The following CDH13 variants were observed in gnomAD, a reference collection of about 807,000 sequenced individuals.
CDH13 encodes the protein cadherin 13, also known as cadherin-13.
A neutral mutation model predicts 63.8 loss-of-function variants in CDH13; 24 were observed. The ratio of observed to expected loss-of-function variants is 0.38; its 90% CI spans 0.27 to 0.53. CDH13 has a LOEUF of 0.53. CDH13 is among the 20% of genes least tolerant of loss of function. CDH13 has a pLI of 0.85. For synonymous variants in CDH13, 503 were observed against 355.3 expected, an observed-to-expected ratio of 1.42 and a Z score of -4.67; for missense variants, 1,049 against 903.1, an observed-to-expected ratio of 1.16 and a Z score of -2.07.
At chr16:83,273,007 C>CTG (rs148443340) in intron 5 of CDH13, among the ~76,000 whole-genome samples, 12,515 of 152,150 alleles carry the variant, frequency 0.082, 586 homozygotes, top group East Asian at 0.16. Context: ...TGCAGTGTGA[C>CTG]TGGTGCCTGT....
At position 83,308,518 on chromosome 16, in the gene CDH13, A is replaced by G. The variant is rs150989575; in HGVS notation, c.637-36344A>G. On this transcript the variant is annotated intron_variant, in intron 5 of 13. Transcript: ENST00000567109. Reference sequence around the variant, plus strand: ...ACAAAGGGAGTAGGAATTTTTCAGTATAAGGCAAATGGCAACAAAAACACA... The same window carrying G: ...ACAAAGGGAGTAGGAATTTTTCAGTGTAAGGCAAATGGCAACAAAAACACA... Among the ~76,000 whole-genome samples, 474 of 152,350 alleles carry G rather than the reference A, an allele frequency of 3.1e-3. 2 individuals carry two copies. Among genetic ancestry groups the G allele is most frequent in the African/African-American group, 0.011 (447 of 41,592 alleles).
At chr16:83,146,926 A>G (rs1420241333) in intron 4 of CDH13, among the ~76,000 whole-genome samples, 1 of 152,164 alleles carries the variant, frequency 6.6e-6, no homozygotes, top group African/African-American at 2.4e-5. Context: ...TGTCTCTACT[A>G]AAAATACAAA....
chr16:82,958,206 A>C (rs1597294864), intron 2 of CDH13, among the ~76,000 whole-genome samples: 1 of 152,234 alleles, frequency 6.6e-6, no homozygotes, highest in African/African-American at 2.4e-5. Flanking sequence ...TGCTTCTAAA[A>C]ATGAGAATAA....
intron 2 of CDH13, among the ~76,000 whole-genome samples, chr16:82,936,385 G>A (rs1345061387): frequency 6.6e-6 from 1 of 152,074 alleles, no homozygotes; most frequent in Non-Finnish European, 1.5e-5. Context: ...ACATGCCAGG[G>A]ATCTAGATTG....
At chr16:83,527,806 A>C (rs905335757) in intron 7 of CDH13, among the ~76,000 whole-genome samples, 2 of 152,218 alleles carry the variant, frequency 1.3e-5, no homozygotes, top group African/African-American at 4.8e-5. Context: ...GCACTCACCA[A>C]ATTAAAGACT....
chr16:83,056,231 G>A (rs375778763), intron 3 of CDH13, among the ~76,000 whole-genome samples: 10 of 152,262 alleles, frequency 6.6e-5, no homozygotes, highest in East Asian at 5.8e-4. Context: ...TAGCAAGGAC[G>A]TGTGGCAATC....
chr16:83,636,020 C>T (rs1033464613), intron 8 of CDH13, among the ~76,000 whole-genome samples: 1 of 151,910 alleles, frequency 6.6e-6, no homozygotes, highest in African/African-American at 2.4e-5. Context: ...ATTTATCTGC[C>T]AGTGGACACA....
At chr16:82,771,694 C>G (rs1184211592) in intron 1 of CDH13, among the ~76,000 whole-genome samples, 2 of 152,100 alleles carry the variant, frequency 1.3e-5, no homozygotes, top group African/African-American at 4.8e-5. Context: ...GTTTGCTTCC[C>G]CAGAAGAAGG....
intron 3 of CDH13, among the ~76,000 whole-genome samples, chr16:83,052,763 C>T (rs377218047): frequency 6.7e-4 from 64 of 95,492 alleles, no homozygotes; most frequent in African/African-American, 2.5e-3. Flanking sequence ...GGTGACAGGG[C>T]GAGACTTTAT....
intron 1 of CDH13, chr16:82,826,668 C>T (rs991848167): frequency 1.2e-4 from 18 of 152,124 alleles, no homozygotes; most frequent in Admixed American, 9.2e-4. Context: ...TAAATTGCTT[C>T]GTACAATGAA....
intron 8 of CDH13, among the ~76,000 whole-genome samples, chr16:83,662,550 G>A (rs1913533705): frequency 1.3e-5 from 2 of 152,340 alleles, no homozygotes; most frequent in South Asian, 4.1e-4. Context: ...CGGGGTGGCT[G>A]CGGAGATGAA....
chr16:82,960,820 A>T (rs1385682026), intron 2 of CDH13, among the ~76,000 whole-genome samples: 3 of 152,110 alleles, frequency 2.0e-5, no homozygotes, highest in Non-Finnish European at 4.4e-5. Flanking sequence ...TTTAATCTTT[A>T]AAAAAAATTA....
At chr16:83,094,258 CTCTT>C (rs1328077667) in intron 3 of CDH13, among the ~76,000 whole-genome samples, 1 of 152,156 alleles carries the variant, frequency 6.6e-6, no homozygotes, top group Non-Finnish European at 1.5e-5. Context: ...CTGCTTTGCC[CTCTT>C]TGTCATTGCA....
At chr16:83,715,504 G>GGCA (rs1908758247) in intron 10 of CDH13, among the ~76,000 whole-genome samples, 1 of 152,178 alleles carries the variant, frequency 6.6e-6, no homozygotes, top group African/African-American at 2.4e-5. Context: ...TCTCCTTCCT[G>GGCA]GCAGCAGCAG....
intron 11 of CDH13, among the ~76,000 whole-genome samples, chr16:83,776,777 A>G (rs1239441660): frequency 1.3e-5 from 2 of 151,980 alleles, no homozygotes; most frequent in Non-Finnish European, 2.9e-5. Context: ...TCCTCTTCCA[A>G]TTCTCTCCTG....
chr16:82,637,670 C>G (rs1057322253), intron 1 of CDH13: 1 of 151,874 alleles, frequency 6.6e-6, no homozygotes, highest in African/African-American at 2.4e-5. Flanking sequence ...ATCTCCTGAC[C>G]TCGTGATCCG....
intron 1 of CDH13, among the ~76,000 whole-genome samples, chr16:82,719,635 C>T (rs1427111424): frequency 6.6e-6 from 1 of 152,092 alleles, no homozygotes; most frequent in Non-Finnish European, 1.5e-5. Flanking sequence ...CACCTGAGGT[C>T]AGGAGTTTGA....
chr16:82,748,067 G>C (rs1214174093), intron 1 of CDH13, among the ~76,000 whole-genome samples: 1 of 152,164 alleles, frequency 6.6e-6, no homozygotes, highest in Non-Finnish European at 1.5e-5. Context: ...CGTGGGTCCA[G>C]AACTTCTTGC....
chr16:83,010,152 A>AAAAAAAC (rs1179595949), intron 2 of CDH13, among the ~76,000 whole-genome samples: 8 of 149,152 alleles, frequency 5.4e-5, no homozygotes, highest in African/African-American at 2.0e-4. Flanking sequence ...AAAAAAAAAA[A>AAAAAAAC]AAAAAAAAAA....
Sources: allele counts gnomAD v4.1 joint callset (sites outside exome capture counted in the v4.1 genomes callset), GRCh38; gene constraint gnomAD v4.1.1; transcripts MANE v1.5; gene names NCBI Gene and HGNC (gene_info 2026-07-23, HGNC 2026-07-21).